CDH13: variants seen among roughly 807,000 people sequenced by gnomAD.
CDH13 encodes the protein cadherin 13, also known as cadherin-13.
A neutral mutation model predicts 63.8 loss-of-function variants in CDH13; 24 were observed. The observed-to-expected ratio is 0.38, with a 90% CI of 0.27 to 0.53. The LOEUF (loss-of-function observed/expected upper bound fraction) is 0.53, where lower values mean the gene tolerates loss of function less well. CDH13 is among the 20% of genes least tolerant of loss of function. The pLI, the probability that CDH13 is intolerant of heterozygous loss-of-function variation, is 0.85. For synonymous variants in CDH13, 503 were observed against 355.3 expected (o/e 1.42, Z -4.67); for missense variants, 1,049 against 903.1 (o/e 1.16, Z -2.07).
intron 2 of CDH13, among the ~76,000 whole-genome samples, chr16:82,970,254 G>A (rs1908514002): frequency 6.6e-6 from 1 of 152,062 alleles, no homozygotes; most frequent in South Asian, 2.1e-4. Flanking sequence ...CAAAAGACAG[G>A]AACTCATCCT....
intron 3 of CDH13, among the ~76,000 whole-genome samples, chr16:83,035,147 C>G (rs914535084): frequency 1.3e-5 from 2 of 152,120 alleles, no homozygotes; most frequent in South Asian, 2.1e-4. Context: ...AAAAGAATCC[C>G]TCTGAAGAGA....
chr16:83,118,581 G>A (rs2035420012), intron 3 of CDH13, among the ~76,000 whole-genome samples: 1 of 152,148 alleles, frequency 6.6e-6, no homozygotes, highest in South Asian at 2.1e-4. Context: ...CAGACTGAGT[G>A]GCTCACCCTC....
intron 1 of CDH13, among the ~76,000 whole-genome samples, chr16:82,678,320 T>TA (rs386385251): frequency 9.5e-5 from 1 of 10,512 alleles, no homozygotes; most frequent in Non-Finnish European, 2.5e-4. Flanking sequence ...CAGAAAAAAC[T>TA]TTTTTTTTTT....
At chr16:83,752,738 A>G (rs453324) in intron 11 of CDH13, among the ~76,000 whole-genome samples, 118,817 of 152,168 alleles carry the variant, frequency 0.78, 46,621 homozygotes, top group African/African-American at 0.85. Flanking sequence ...CATTTTCTAC[A>G]TATACAAAAT....
At chr16:82,653,508 G>A (rs1281448143) in intron 1 of CDH13, among the ~76,000 whole-genome samples, 1 of 152,136 alleles carries the variant, frequency 6.6e-6, no homozygotes, top group Non-Finnish European at 1.5e-5. Context: ...AAATGGGACT[G>A]GATGTACCTG....
chr16:82,670,909 G>A (rs889903342), intron 1 of CDH13, among the ~76,000 whole-genome samples: 5 of 152,152 alleles, frequency 3.3e-5, no homozygotes, highest in Admixed American at 1.3e-4. Context: ...TCCTCCTGGA[G>A]GTGCAGTATC....
chr16:82,964,497 G>A (rs1361210986), intron 2 of CDH13, among the ~76,000 whole-genome samples: 2 of 152,168 alleles, frequency 1.3e-5, no homozygotes, highest in Non-Finnish European at 2.9e-5. Flanking sequence ...TGTCCACATT[G>A]GATAAGGGCC....
In CDH13 at chr16:83,589,718, C is replaced by T. The variant is rs538625453; in HGVS notation, c.961-12736C>T. On this transcript the variant is annotated intron_variant, in intron 7 of 13. Coordinates refer to ENST00000567109, the MANE Select transcript of CDH13 (RefSeq NM_001257.5). ...AGCATCTCACAGCATAATCACAGGA[C>T]GGACGTGTGAAGGGAAAATTGCTAT... Among the ~76,000 whole-genome samples, 12 of 152,160 alleles carry T rather than the reference C, an allele frequency of 7.9e-5. No individual in the cohort carries two copies. The South Asian group carries it at 8.3e-4, about 11-fold the overall frequency.
chr16:83,271,096 A>G (rs1171049076), intron 5 of CDH13, among the ~76,000 whole-genome samples: 1 of 151,946 alleles, frequency 6.6e-6, no homozygotes, highest in African/African-American at 2.4e-5. Context: ...CACTCAGCAT[A>G]TAAAATCCTA....
At chr16:83,074,522 A>G (rs1024757365) in intron 3 of CDH13, among the ~76,000 whole-genome samples, 4 of 152,154 alleles carry the variant, frequency 2.6e-5, no homozygotes, top group African/African-American at 9.7e-5. Flanking sequence ...AAGTAGTGGG[A>G]TTGCTGGATC....
intron 5 of CDH13, among the ~76,000 whole-genome samples, chr16:83,222,684 T>G (rs1002706215): frequency 6.6e-6 from 1 of 151,982 alleles, no homozygotes; most frequent in African/African-American, 2.4e-5. Context: ...TTGCTACCTT[T>G]CTTAGCCAGG....
intron 3 of CDH13, among the ~76,000 whole-genome samples, chr16:83,074,614 C>T (rs1378187185): frequency 6.6e-6 from 1 of 152,182 alleles, no homozygotes; most frequent in Non-Finnish European, 1.5e-5. Flanking sequence ...TACTTTTACA[C>T]CAACAGTGTA....
chr16:83,336,659 G>T (rs2090604672), intron 5 of CDH13, among the ~76,000 whole-genome samples: 1 of 152,190 alleles, frequency 6.6e-6, no homozygotes, highest in Non-Finnish European at 1.5e-5. Context: ...AGCTCTGTGT[G>T]TGTCTGTGTT....
At chr16:83,757,443 T>G (rs1250203549) in intron 11 of CDH13, among the ~76,000 whole-genome samples, 1 of 152,052 alleles carries the variant, frequency 6.6e-6, no homozygotes, top group African/African-American at 2.4e-5. Context: ...CTGGATACAG[T>G]GGCATGTGCC....
intron 2 of CDH13, among the ~76,000 whole-genome samples, chr16:83,018,630 A>G (rs577805388): frequency 1.3e-5 from 2 of 152,350 alleles, no homozygotes; most frequent in African/African-American, 2.4e-5. Context: ...TTGTTTAACC[A>G]TAGGGATATG....
intron 1 of CDH13, among the ~76,000 whole-genome samples, chr16:82,849,850 C>G (rs2039410016): frequency 6.6e-6 from 1 of 152,234 alleles, no homozygotes; most frequent in African/African-American, 2.4e-5. Flanking sequence ...ACAACAAAGC[C>G]TGGATGACAG....
chr16:83,787,561 G>A (rs1005819412), intron 13 of CDH13, among the ~76,000 whole-genome samples: 5 of 152,168 alleles, frequency 3.3e-5, no homozygotes, highest in Non-Finnish European at 7.3e-5. Context: ...AGAGATCTAC[G>A]TTTTCCACCA....
chr16:82,712,125 A>T (rs1406709461), intron 1 of CDH13, among the ~76,000 whole-genome samples: 1 of 152,132 alleles, frequency 6.6e-6, no homozygotes, highest in Non-Finnish European at 1.5e-5. Flanking sequence ...ACCAGCAAAC[A>T]AATCATCCAA....
intron 1 of CDH13, among the ~76,000 whole-genome samples, chr16:82,789,385 T>A (rs1216424191): frequency 6.6e-6 from 1 of 152,246 alleles, no homozygotes; most frequent in African/African-American, 2.4e-5. Flanking sequence ...GCTCTTTATA[T>A]CTCACCTTTG....
Sources: gnomAD v4.1 joint callset for allele counts (sites outside exome capture counted in the v4.1 genomes callset) on GRCh38, gnomAD v4.1.1 for gene constraint, MANE v1.5 for transcripts, NCBI Gene and HGNC (gene_info 2026-07-23, HGNC 2026-07-21) for gene names.